VPS53: variants seen among roughly 807,000 people sequenced by gnomAD.
VPS53 encodes VPS53 subunit of GARP complex, also known as vacuolar protein sorting-associated protein 53 homolog.
VPS53 carries 70 observed loss-of-function variants against 107.0 expected under a neutral mutation model. The observed-to-expected ratio is 0.65, with a 90% CI of 0.54 to 0.80. The LOEUF is 0.80. VPS53 is among the 30% of genes least tolerant of loss of function. The probability of loss-of-function intolerance (pLI) is 0.00; values close to 1 mark genes in which losing one functional copy is unlikely to be tolerated. For missense variants in VPS53, 917 were observed against 1,049.4 expected (o/e 0.87, Z 1.74); for synonymous variants, 409 against 393.3 (o/e 1.04, Z -0.47).
intron 4 of VPS53, chr17:674,346 T>G (rs1421999310): frequency 6.6e-6 from 1 of 152,218 alleles, no homozygotes; most frequent in Non-Finnish European, 1.5e-5. Flanking sequence ...TACTTCTCAT[T>G]TTAGTCACTT....
At chr17:581,427 A>C (rs1967010742) in intron 13 of VPS53, among the ~76,000 whole-genome samples, 1 of 151,342 alleles carries the variant, frequency 6.6e-6, no homozygotes, top group Admixed American at 6.6e-5. Context: ...ATGCATTCCC[A>C]GAGAACTTCC....
Position 655,960 on chromosome 17 carries a change from A to G in VPS53, c.373-7T>C, listed in dbSNP as rs752488498. 34 of 1,610,294 alleles carry G rather than the reference A, an allele frequency of 2.1e-5. No homozygotes were observed. The highest frequency in any genetic ancestry group is 1.8e-4 in the East Asian group (8 of 44,858). ...CACGGGTGATTTCTTTCACCTAAAC[A>G]TTGAAAAACCACAAGAAAGAAAGGA... On this transcript the variant is annotated splice_region_variant and splice_polypyrimidine_tract_variant and intron_variant, in intron 5 of 21. Coordinates refer to ENST00000437048, the MANE Select transcript of VPS53 (RefSeq NM_001128159.3).
intron 18 of VPS53, 121 bp from the exon 19 acceptor site, chr17:533,032 C>T (rs1909724269): frequency 2.8e-6 from 4 of 1,450,910 alleles, no homozygotes; most frequent in African/African-American, 1.4e-5. Context: ...TCGAAGTGGA[C>T]TCCACTGTTG....
intron 7 of VPS53, among the ~76,000 whole-genome samples, chr17:636,072 T>C (rs568806693): frequency 5.9e-5 from 9 of 152,340 alleles, no homozygotes; most frequent in Admixed American, 3.3e-4. Flanking sequence ...TTTTATTTCA[T>C]TGAGCAGTGG....
chr17:611,163 G>A (rs1331586955), intron 11 of VPS53, among the ~76,000 whole-genome samples: 4 of 151,926 alleles, frequency 2.6e-5, no homozygotes, highest in African/African-American at 7.3e-5. Flanking sequence ...ATAGGCACCC[G>A]CCACCACGCC....
intron 10 of VPS53, 43 bp downstream of exon 10, chr17:627,131 A>C: frequency 6.3e-7 from 1 of 1,585,364 alleles, no homozygotes; most frequent in Non-Finnish European, 8.6e-7. Context: ...ACCGATGGTG[A>C]AAATTTGATT....
chr17:628,061 A>G, intron 9 of VPS53, 27 bp downstream of exon 9: 1 of 1,596,112 alleles, frequency 6.3e-7, no homozygotes, highest in Non-Finnish European at 8.5e-7. Context: ...CAAATGTTAC[A>G]TCTGATCTTA....
intron 19 of VPS53, among the ~76,000 whole-genome samples, chr17:527,718 ATCCTCCTGTC>A (rs1909227120): frequency 6.6e-6 from 1 of 151,996 alleles, no homozygotes; most frequent in Non-Finnish European, 1.5e-5. Context: ...GGCTCAACTG[ATCCTCCTGTC>A]TCAGCTTCCC....
intron 19 of VPS53, among the ~76,000 whole-genome samples, chr17:528,643 C>A (rs116034054): frequency 7.0e-6 from 1 of 142,590 alleles, no homozygotes; most frequent in African/African-American, 2.7e-5. Context: ...TGTCACCCAG[C>A]CTGAAGGTAC....
intron 11 of VPS53, among the ~76,000 whole-genome samples, chr17:615,535 A>AGG (rs1969097786): frequency 6.6e-6 from 1 of 152,036 alleles, no homozygotes; most frequent in African/African-American, 2.4e-5. Context: ...CGTACAGCCT[A>AGG]GGGAGGGGCA....
chr17:551,020 C>T (rs559432479), intron 17 of VPS53, among the ~76,000 whole-genome samples: 23 of 152,198 alleles, frequency 1.5e-4, no homozygotes, highest in African/African-American at 5.1e-4. Flanking sequence ...TCTGGTGAGA[C>T]CACACCAAGG....
intron 7 of VPS53, among the ~76,000 whole-genome samples, chr17:652,378 C>G (rs933236606): frequency 6.6e-6 from 1 of 152,198 alleles, no homozygotes; most frequent in African/African-American, 2.4e-5. Context: ...TTTGACATTC[C>G]TCCCGTTAGT....
intron 9 of VPS53, among the ~76,000 whole-genome samples, chr17:627,701 G>A (rs963266878): frequency 3.3e-5 from 5 of 152,016 alleles, no homozygotes; most frequent in African/African-American, 9.7e-5. Context: ...GCTTGAACCC[G>A]GGAGGCAAGG....
intron 7 of VPS53, among the ~76,000 whole-genome samples, chr17:636,192 T>G (rs1163602941): frequency 6.6e-6 from 1 of 152,080 alleles, no homozygotes; most frequent in East Asian, 1.9e-4. Flanking sequence ...TGAATGGGAG[T>G]TCCCTCATGA....
chr17:576,514 T>A (rs1256646515), intron 13 of VPS53, among the ~76,000 whole-genome samples: 1 of 150,548 alleles, frequency 6.6e-6, no homozygotes, highest in Non-Finnish European at 1.5e-5. Flanking sequence ...AGAACCTCCC[T>A]CAGGAGCTAA....
chr17:711,324 C>A (rs535399251), intron 1 of VPS53, among the ~76,000 whole-genome samples: 3 of 152,222 alleles, frequency 2.0e-5, no homozygotes, highest in Non-Finnish European at 4.4e-5. Context: ...TCTCACCCAG[C>A]TTGATAGAGT....
chr17:676,579 A>G (rs552336725), intron 4 of VPS53, among the ~76,000 whole-genome samples: 29 of 152,340 alleles, frequency 1.9e-4, no homozygotes, highest in African/African-American at 6.3e-4. Flanking sequence ...CATGGAAATA[A>G]GCAGATGGTG....
intron 5 of VPS53, among the ~76,000 whole-genome samples, chr17:660,111 G>A (rs564321344): frequency 2.6e-5 from 4 of 152,274 alleles, no homozygotes; most frequent in South Asian, 2.1e-4. Context: ...CTGCGAAAAC[G>A]GGTAGAGCAT....
Position 519,977 on chromosome 17 carries a change from C to T in VPS53, c.2224-47G>A. 7.3e-7 allele frequency: 1 copy of T among 1,364,006 alleles called. No homozygotes were observed. The allele number at this position is 1,364,006 out of a possible 1,614,324, so 84.5% of individuals were successfully genotyped here. A position where few individuals can be genotyped will look rare whatever the true frequency, so the allele number is the denominator to read the frequency against. On this transcript the variant is annotated intron_variant, in intron 20 of 21. Transcript: ENST00000437048. This position sits in a 1 kb window ranked among gnomAD's most constrained non-coding sequence, Gnocchi z 5.0. ...GCAAGCCCCTCAGGAAAACTACCAC[C>T]ACGGGAGGAGACAGGAGCGGGCCCT...
Sources: allele counts gnomAD v4.1 joint callset (sites outside exome capture counted in the v4.1 genomes callset), GRCh38; gene constraint gnomAD v4.1.1; non-coding constraint Gnocchi (gnomAD v3.1); transcripts MANE v1.5; gene names NCBI Gene and HGNC (gene_info 2026-07-23, HGNC 2026-07-21).